SSPN: variants seen among roughly 807,000 people sequenced by gnomAD.
SSPN encodes the protein sarcospan.
SSPN carries 15 observed loss-of-function variants against 19.1 expected under a neutral mutation model. That is an observed-to-expected ratio of 0.78 (90% CI 0.52 to 1.21). The LOEUF (loss-of-function observed/expected upper bound fraction) is 1.21. Among genes scored for constraint, SSPN ranks in the 50% most tolerant of loss-of-function variants. The probability of loss-of-function intolerance (pLI) is 0.00; values close to 1 mark genes in which losing one functional copy is unlikely to be tolerated. For synonymous variants in SSPN, 147 were observed against 140.3 expected (o/e 1.05, Z -0.34); for missense variants, 291 against 314.0 (o/e 0.93, Z 0.55).
rs1220951313 is a variant in SSPN at position 26,195,725 on chromosome 12, C to T, written c.53C>T (p.Ala18Val). ...CAGCAGAGGCAGGGGGGCCCGCCGG[C>T]CGCGGACGCCGCTGGGCCCGACGAC... is the stretch of plus-strand genomic sequence containing the variant. ...RGQQRQGGPP[A>V]ADAAGPDDME... Residue 18 changes from alanine (A) to valine (V), a missense_variant, in exon 1 of 3, where the codon GCC (alanine) becomes GTC (valine). Around this residue, in one of 3 missense-constraint regions of SSPN, gnomAD observed 139 missense variants for 119.6 expected, o/e 1.16. Transcript: ENST00000242729. The T allele has an allele frequency of 1.4e-6, 2 of 1,448,982 alleles. No homozygotes were observed. Among genetic ancestry groups the T allele is most frequent in the Non-Finnish European group, 1.8e-6 (2 of 1,107,068 alleles). The allele number at this position is 1,448,982 out of a possible 1,614,324, so 89.8% of individuals were successfully genotyped here. A position where few individuals can be genotyped will look rare whatever the true frequency, so the allele number is the denominator to read the frequency against.
intron 1 of SSPN, among the ~76,000 whole-genome samples, chr12:26,148,432 T>G (rs1286145948): frequency 6.6e-6 from 1 of 152,244 alleles, no homozygotes; most frequent in Non-Finnish European, 1.5e-5. Context: ...GCTTTAGAAC[T>G]GAATTTTTGA....
intron 1 of SSPN, among the ~76,000 whole-genome samples, chr12:26,143,751 AC>A (rs762701958): frequency 1.4e-4 from 22 of 152,240 alleles, no homozygotes; most frequent in African/African-American, 4.3e-4. Context: ...GGGGTCCCTA[AC>A]CCCCACAGCA....
At chr12:26,171,508 A>T (rs1944653402) in intron 1 of SSPN, among the ~76,000 whole-genome samples, 1 of 152,156 alleles carries the variant, frequency 6.6e-6, no homozygotes, top group African/African-American at 2.4e-5. Flanking sequence ...TTTTCCAGAG[A>T]CTGCTTGATA....
chr12:26,214,902 A>G (rs918845118), intron 1 of SSPN: 2 of 152,222 alleles, frequency 1.3e-5, no homozygotes, highest in Non-Finnish European at 2.9e-5. Context: ...TTAAAAAAAA[A>G]CACATTGGGG....
At chr12:26,190,661 G>T (rs1944781768), upstream of SSPN, among the ~76,000 whole-genome samples, 1 of 152,174 alleles carries the variant, frequency 6.6e-6, no homozygotes, top group South Asian at 2.1e-4. Context: ...GGCAGTAGAG[G>T]CATTAGGAGA....
chr12:26,145,491 A>G (rs980643059), intron 1 of SSPN, among the ~76,000 whole-genome samples: 1 of 152,206 alleles, frequency 6.6e-6, no homozygotes, highest in African/African-American at 2.4e-5. Flanking sequence ...GGCAGACAAC[A>G]CAGTGGTGTC....
intron 1 of SSPN, among the ~76,000 whole-genome samples, chr12:26,187,720 C>T (rs1186208494): frequency 6.6e-6 from 1 of 152,126 alleles, no homozygotes; most frequent in Non-Finnish European, 1.5e-5. Context: ...ACTGATTCCT[C>T]TAGGGGTCAT....
chr12:26,132,361 G>C (rs373177660), intron 1 of SSPN, among the ~76,000 whole-genome samples: 1 of 152,230 alleles, frequency 6.6e-6, no homozygotes, highest in South Asian at 2.1e-4. Flanking sequence ...CAATTTAATG[G>C]ATTAAATTTC....
At chr12:26,219,376 C>A (rs1399909255) in intron 1 of SSPN, among the ~76,000 whole-genome samples, 1 of 151,822 alleles carries the variant, frequency 6.6e-6, no homozygotes, top group Non-Finnish European at 1.5e-5. Context: ...CAGTATCTAC[C>A]TTTTATTCAT....
In SSPN at chr12:26,231,061, C is replaced by A. The variant is rs369106463; in HGVS notation, c.717C>A (p.Pro239=). Residue 239 remains proline, a synonymous_variant, in exon 3 of 3, where the codon CCC becomes CCA. Transcript: ENST00000242729. ...GCTCCCTCACGGCTTCCGAAGGCCC[C>A]CAGCAAAAGATCTAACATTCTTGCT... ...RICSLTASEG[P]QQKI is the part of the protein sequence containing the mutation. The A allele has an allele frequency of 6.2e-6, 10 of 1,612,844 alleles. No individual in the cohort carries two copies. In the East Asian group the frequency reaches 6.7e-5, roughly 11 times the overall value.
chr12:26,151,788 A>T (rs1944527080), intron 1 of SSPN, among the ~76,000 whole-genome samples: 1 of 152,214 alleles, frequency 6.6e-6, no homozygotes, highest in African/African-American at 2.4e-5. Context: ...TGTGGAGAAA[A>T]AAAATATATC....
At position 26,232,077 on chromosome 12, in the gene SSPN, G is replaced by T. The variant is rs1329424151; in HGVS notation, c.*1001G>T. On this transcript the variant is annotated 3_prime_UTR_variant, in exon 3 of 3. Coordinates refer to ENST00000242729, the MANE Select transcript of SSPN (RefSeq NM_005086.5). ...ACAAAAACAAGAGCATTTGTAATAGGAAGTGTTTATACAAACAGCACATTT... is the reference window on the plus strand; with the variant it reads ...ACAAAAACAAGAGCATTTGTAATAGTAAGTGTTTATACAAACAGCACATTT... The T allele has an allele frequency of 1.0e-6, 1 of 985,238 alleles. No homozygotes were observed. Among genetic ancestry groups the T allele is most frequent in the Non-Finnish European group, 1.2e-6 (1 of 829,918 alleles). The allele number at this position is 985,238 out of a possible 1,614,324, so 61.0% of individuals were successfully genotyped here. A position where few individuals can be genotyped will look rare whatever the true frequency, so the allele number is the denominator to read the frequency against.
At position 26,232,268 on chromosome 12, in the gene SSPN, T is replaced by G; in HGVS notation, c.*1192T>G. 1 of 985,464 alleles carries G rather than the reference T, an allele frequency of 1.0e-6. No homozygotes were observed. Among genetic ancestry groups the G allele is most frequent in the Non-Finnish European group, 1.2e-6 (1 of 829,928 alleles). The allele number at this position is 985,464 out of a possible 1,614,324, so 61.0% of individuals were successfully genotyped here. ...CAAAATAATGTTTTGAAGTTCTTAT[T>G]TGAGCAATATGGCCTTGACTTGGAG... On this transcript the variant is annotated 3_prime_UTR_variant, in exon 3 of 3. Coordinates refer to ENST00000242729, the MANE Select transcript of SSPN (RefSeq NM_005086.5).
intron 1 of SSPN, chr12:26,123,096 T>C (rs1296620820): frequency 6.2e-7 from 1 of 1,607,718 alleles, no homozygotes; most frequent in Non-Finnish European, 8.5e-7. Context: ...CAAGACTTCT[T>C]TGGCGCATGT....
upstream of SSPN, among the ~76,000 whole-genome samples, chr12:26,194,982 CCT>C (rs1944813081): frequency 6.6e-6 from 1 of 152,004 alleles, no homozygotes; most frequent in African/African-American, 2.4e-5. Context: ...ACAGTGAGCC[CCT>C]GTTTGGAAAA....
chr12:26,168,300 C>T (rs1297262503), intron 1 of SSPN, among the ~76,000 whole-genome samples: 1 of 151,164 alleles, frequency 6.6e-6, no homozygotes, highest in African/African-American at 2.4e-5. Flanking sequence ...GGGAAGGGCA[C>T]TAAGAAATTG....
At chr12:26,140,277 A>G (rs1174672888) in intron 1 of SSPN, among the ~76,000 whole-genome samples, 4 of 152,194 alleles carry the variant, frequency 2.6e-5, no homozygotes, top group Non-Finnish European at 4.4e-5. Context: ...TTCTCAGTCA[A>G]TGACACTACC....
At chr12:26,123,583 G>T in intron 1 of SSPN, 1 of 1,354,066 alleles carries the variant, frequency 7.4e-7, no homozygotes, top group Non-Finnish European at 1.1e-6. Flanking sequence ...TCCCCTGTGG[G>T]CTGCCCCGCT....
At chr12:26,205,547 A>G (rs998137636) in intron 1 of SSPN, among the ~76,000 whole-genome samples, 1 of 152,182 alleles carries the variant, frequency 6.6e-6, no homozygotes, top group African/African-American at 2.4e-5. Flanking sequence ...TAGCTATGCC[A>G]GGAAAGCTAT....
Sources: gnomAD v4.1 joint callset for allele counts (sites outside exome capture counted in the v4.1 genomes callset) on GRCh38, gnomAD v4.1.1 for gene constraint, gnomAD v4.1.1 regional missense constraint, MANE v1.5 for transcripts, NCBI Gene and HGNC (gene_info 2026-07-23, HGNC 2026-07-21) for gene names.